CHST9: variants seen among roughly 807,000 people sequenced by gnomAD.
CHST9 encodes the protein carbohydrate sulfotransferase 9.
A neutral mutation model predicts 44.4 loss-of-function variants in CHST9; 41 were observed. The observed-to-expected ratio is 0.92, with a 90% CI of 0.72 to 1.20. CHST9 has a LOEUF of 1.20. CHST9 is among the 50% of genes most tolerant of loss of function. The pLI, the probability that CHST9 is intolerant of heterozygous loss-of-function variation, is 0.00. For synonymous variants in CHST9, 171 were observed against 178.4 expected, an observed-to-expected ratio of 0.96 and a Z score of 0.33; for missense variants, 504 against 516.5, an observed-to-expected ratio of 0.98 and a Z score of 0.23.
chr18:27,090,564 G>C (rs1488524956), intron 2 of CHST9, among the ~76,000 whole-genome samples: 1 of 152,146 alleles, frequency 6.6e-6, no homozygotes, highest in Non-Finnish European at 1.5e-5. Context: ...TTCTTCTAGG[G>C]TTTTTATGGA....
chr18:27,162,157 T>G (rs1235688009), intron 1 of CHST9, among the ~76,000 whole-genome samples: 2 of 152,338 alleles, frequency 1.3e-5, no homozygotes, highest in East Asian at 1.9e-4. Context: ...AATTATGATG[T>G]TAGCTGGTTA....
chr18:27,113,724 T>C (rs2058295357), intron 2 of CHST9, among the ~76,000 whole-genome samples: 1 of 152,190 alleles, frequency 6.6e-6, no homozygotes, highest in Non-Finnish European at 1.5e-5. Flanking sequence ...TCCCAGTTTC[T>C]AGAATGATGA....
chr18:27,097,271 C>A (rs1268825646), intron 2 of CHST9, among the ~76,000 whole-genome samples: 2 of 152,140 alleles, frequency 1.3e-5, no homozygotes, highest in Non-Finnish European at 2.9e-5. Context: ...CCATCTATGA[C>A]AAACACAGCC....
intron 4 of CHST9, among the ~76,000 whole-genome samples, chr18:27,007,537 G>A (rs2057031244): frequency 6.6e-6 from 1 of 152,122 alleles, no homozygotes; most frequent in Non-Finnish European, 1.5e-5. Flanking sequence ...AATCACTGTA[G>A]GAGGGAAAGA....
At chr18:26,983,747 T>C (rs955764426) in intron 4 of CHST9, among the ~76,000 whole-genome samples, 1 of 152,196 alleles carries the variant, frequency 6.6e-6, no homozygotes, top group Non-Finnish European at 1.5e-5. Context: ...CTGATATTAT[T>C]GATCTGAAGA....
chr18:27,031,965 G>A (rs941234054), intron 3 of CHST9, among the ~76,000 whole-genome samples: 7 of 151,946 alleles, frequency 4.6e-5, no homozygotes, highest in Admixed American at 3.9e-4. Context: ...ACCTTACCAC[G>A]CATGCATCAT....
chr18:26,952,735 A>T (rs2056267626), intron 4 of CHST9, among the ~76,000 whole-genome samples: 2 of 152,208 alleles, frequency 1.3e-5, no homozygotes, highest in African/African-American at 2.4e-5. Context: ...CATTCCAAAA[A>T]ATATAATACC....
chr18:27,109,541 A>G (rs2058251744), intron 2 of CHST9, among the ~76,000 whole-genome samples: 1 of 152,192 alleles, frequency 6.6e-6, no homozygotes, highest in African/African-American at 2.4e-5. Context: ...GACTGATCCA[A>G]CTGAGATCTG....
At chr18:27,092,230 T>G (rs1404585319) in intron 2 of CHST9, among the ~76,000 whole-genome samples, 1 of 152,242 alleles carries the variant, frequency 6.6e-6, no homozygotes. Context: ...TTTATTTGCA[T>G]AGAGGTGTTT....
At chr18:26,981,109 T>A (rs1423570394) in intron 4 of CHST9, among the ~76,000 whole-genome samples, 2 of 152,216 alleles carry the variant, frequency 1.3e-5, no homozygotes, top group East Asian at 3.8e-4. Context: ...TATTGCATTT[T>A]TTCTAGTTTC....
At chr18:27,168,722 T>C (rs2058811118) in intron 1 of CHST9, among the ~76,000 whole-genome samples, 2 of 152,110 alleles carry the variant, frequency 1.3e-5, no homozygotes. Flanking sequence ...ACCTCAATAG[T>C]CCTCTATAAT....
At chr18:27,088,412 T>C (rs2058033941) in intron 2 of CHST9, among the ~76,000 whole-genome samples, 1 of 151,968 alleles carries the variant, frequency 6.6e-6, no homozygotes. Flanking sequence ...TTTTGCTTTT[T>C]TGAGATGGAG....
At position 27,005,058 on chromosome 18, in the gene CHST9, T is replaced by C. The variant is rs1450703547; in HGVS notation, c.202+19058A>G. On this transcript the variant is annotated intron_variant, in intron 4 of 5. Coordinates refer to ENST00000618847, the MANE Select transcript of CHST9 (RefSeq NM_031422.6). ...ACAGGCTATACTTTTCCAGTTATGA[T>C]TTCTCCTGATCACTTCTGATATTCC... is the stretch of plus-strand genomic sequence containing the variant. 6.6e-5 allele frequency among the ~76,000 whole-genome samples: 10 copies of C among 152,292 alleles called. 1 individual carries two copies. Among genetic ancestry groups the C allele is most frequent in the Admixed American group, 2.0e-4 (3 of 15,294 alleles).
At chr18:27,164,440 T>C (rs2058774611) in intron 1 of CHST9, among the ~76,000 whole-genome samples, 1 of 149,978 alleles carries the variant, frequency 6.7e-6, no homozygotes, top group African/African-American at 2.5e-5. Context: ...AGATGGAAAA[T>C]TGAAGAGGAA....
intron 3 of CHST9, among the ~76,000 whole-genome samples, chr18:27,039,354 CACATACTACA>C (rs1162322233): frequency 6.6e-6 from 1 of 152,138 alleles, no homozygotes; most frequent in Non-Finnish European, 1.5e-5. Context: ...GAAATTCTGG[CACATACTACA>C]ACATGGATGA....
chr18:26,998,948 G>C (rs929189394), intron 4 of CHST9, among the ~76,000 whole-genome samples: 4 of 152,120 alleles, frequency 2.6e-5, no homozygotes, highest in Non-Finnish European at 5.9e-5. Context: ...GGCACCGATG[G>C]GTTTTTCTCT....
In CHST9 at chr18:26,944,350, G is replaced by T; in HGVS notation, c.219C>A (p.Ile73=). The stretch of plus-strand genomic sequence containing the variant: ...ATACCTGGTTGGTGATATGTTCCTG[G>T]ATTTTTTCTGTACTCACTGAAAGAG... ...PVPRIMSTEK[I]QEHITNQNPK... The change falls in exon 5 of 6, where the codon ATC becomes ATA. Residue 73 remains isoleucine, a synonymous_variant. Transcript: ENST00000618847. 6.2e-7 allele frequency: 1 copy of T among 1,608,384 alleles called. No individual in the cohort carries two copies. The highest frequency in any genetic ancestry group is 8.5e-7 in the Non-Finnish European group (1 of 1,175,460).
intron 4 of CHST9, among the ~76,000 whole-genome samples, chr18:26,982,339 CT>C (rs34211889): frequency 0.49 from 64,994 of 133,432 alleles, 13,089 homozygotes; most frequent in African/African-American, 0.53. Context: ...CTCCTTTTAC[CT>C]TTTTTTTTTT....
intron 2 of CHST9, among the ~76,000 whole-genome samples, chr18:27,091,982 C>T (rs2058073669): frequency 1.3e-5 from 2 of 152,102 alleles, no homozygotes; most frequent in Non-Finnish European, 1.5e-5. Flanking sequence ...GGGAGGATTC[C>T]CTCTTTTTCT....
Sources: gnomAD v4.1 joint callset for allele counts (sites outside exome capture counted in the v4.1 genomes callset) on GRCh38, gnomAD v4.1.1 for gene constraint, MANE v1.5 for transcripts, NCBI Gene and HGNC (gene_info 2026-07-23, HGNC 2026-07-21) for gene names.